Variants in WNT5B observed in about 807,000 individuals in gnomAD.
WNT5B encodes the protein Wnt family member 5B.
Under a neutral mutation model 36.5 loss-of-function variants are expected in WNT5B, and 18 were observed. That is an observed-to-expected ratio of 0.49 (90% CI 0.34 to 0.73). WNT5B has a LOEUF of 0.73. Ranked by LOEUF, WNT5B falls within the 30% of genes least tolerant of loss-of-function variation. The probability of loss-of-function intolerance (pLI) is 0.01; values close to 1 mark genes in which losing one functional copy is unlikely to be tolerated. For missense variants in WNT5B, 424 were observed against 508.4 expected, an observed-to-expected ratio of 0.83 and a Z score of 1.60; for synonymous variants, 213 against 212.3, an observed-to-expected ratio of 1.00 and a Z score of -0.03.
chr12:1,626,781 G>A (rs542699471), upstream of WNT5B, among the ~76,000 whole-genome samples: 1 of 151,100 alleles, frequency 6.6e-6, no homozygotes, highest in East Asian at 2.0e-4. Flanking sequence ...TAGCCAGGAT[G>A]GTCTCGATCT....
chr12:1,639,231 G>T (rs1191601505), intron 3 of WNT5B, among the ~76,000 whole-genome samples: 2 of 150,452 alleles, frequency 1.3e-5, no homozygotes, highest in Non-Finnish European at 3.0e-5. Flanking sequence ...TCCGCCTCCC[G>T]GGTTCACGCC....
intron 1 of WNT5B, among the ~76,000 whole-genome samples, chr12:1,619,231 A>G (rs1156938839): frequency 6.6e-6 from 1 of 151,454 alleles, no homozygotes; most frequent in African/African-American, 2.4e-5. Context: ...GGACTGCTGC[A>G]ATCATGGTGG....
At chr12:1,624,734 C>T (rs1376785949), upstream of WNT5B, among the ~76,000 whole-genome samples, 1 of 152,006 alleles carries the variant, frequency 6.6e-6, no homozygotes, top group Non-Finnish European at 1.5e-5. Context: ...CAAAGGGGCT[C>T]GCAGAGAAAG....
intron 3 of WNT5B, among the ~76,000 whole-genome samples, chr12:1,636,368 A>C (rs914169168): frequency 6.6e-6 from 1 of 151,198 alleles, no homozygotes; most frequent in Non-Finnish European, 1.5e-5. Flanking sequence ...GGCGACCACT[A>C]TTCTTTCTGT....
At chr12:1,639,383 C>G (rs1404001157) in intron 3 of WNT5B, among the ~76,000 whole-genome samples, 2 of 152,180 alleles carry the variant, frequency 1.3e-5, no homozygotes, top group Non-Finnish European at 2.9e-5. Context: ...CGTGGTCCGC[C>G]CGCCCCGGCC....
Position 1,639,766 on chromosome 12 carries a change from G to A in WNT5B, c.411G>A (p.Glu137=), listed in dbSNP as rs2154439769. ...TCAGCCGGGCCTGCCGCGAGGGCGA[G>A]CTCTCCACCTGCGGCTGCAGCCGGA... is the stretch of plus-strand genomic sequence containing the variant. ...NAISRACREG[E]LSTCGCSRTA... Residue 137 remains glutamate (E), a synonymous_variant, in exon 4 of 5, where the codon GAG becomes GAA. Transcript: ENST00000397196. The A allele has an allele frequency of 6.2e-7, 1 of 1,608,874 alleles. No homozygotes were observed. Among genetic ancestry groups the A allele is most frequent in the African/African-American group, 1.3e-5 (1 of 74,864 alleles).
At chr12:1,639,431 C>T (rs1423905295) in intron 3 of WNT5B, among the ~76,000 whole-genome samples, 1 of 151,992 alleles carries the variant, frequency 6.6e-6, no homozygotes, top group Non-Finnish European at 1.5e-5. Context: ...GCCACCGCGC[C>T]GGGCCAGGGA....
At chr12:1,631,487 G>A in intron 2 of WNT5B, 53 bp downstream of exon 2, 1 of 1,612,342 alleles carries the variant, frequency 6.2e-7, no homozygotes, top group South Asian at 1.1e-5. Context: ...CTCCTTCAGC[G>A]ACTGAGATGA....
At position 1,632,786 on chromosome 12, in the gene WNT5B, C is replaced by T. The variant is rs2094553390; in HGVS notation, c.209C>T (p.Ala70Val). The T allele has an allele frequency of 6.2e-7, 1 of 1,614,050 alleles. No individual in the cohort carries two copies. Among genetic ancestry groups the T allele is most frequent in the Non-Finnish European group, 8.5e-7 (1 of 1,180,020 alleles). The change falls in exon 3 of 5, where the codon GCC (alanine) becomes GTC (valine). Residue 70 changes from alanine (A) to valine (V), a missense_variant. Physicochemically the swap from Ala to Val is moderately conservative, Grantham distance 64 (BLOSUM62 0). Transcript: ENST00000397196. The surrounding 1 kb of genome is among the most constrained non-coding windows in gnomAD (Gnocchi z 5.8). ...KLCQLYQEHM[A>V]YIGEGAKTGI... ...TGCCAATTGTACCAGGAGCACATGG[C>T]CTACATAGGGGAGGGAGCCAAGACT...
upstream of WNT5B, among the ~76,000 whole-genome samples, chr12:1,628,073 G>A (rs1167307583): frequency 7.2e-5 from 11 of 152,088 alleles, no homozygotes; most frequent in Admixed American, 3.3e-4. Context: ...TCTGGCTTCT[G>A]GAAGGATCCT....
chr12:1,621,515 A>G (rs2094533767), intron 1 of WNT5B, among the ~76,000 whole-genome samples: 1 of 152,158 alleles, frequency 6.6e-6, no homozygotes, highest in Non-Finnish European at 1.5e-5. Context: ...TTGATGCTGA[A>G]TTATCAATGG....
Position 1,633,042 on chromosome 12 carries a change from T to C in WNT5B, c.328+137T>C. The C allele has an allele frequency of 3.1e-6, 4 of 1,310,314 alleles. No homozygotes were observed. Among genetic ancestry groups the C allele is most frequent in the Non-Finnish European group, 4.1e-6 (4 of 976,632 alleles). The allele number at this position is 1,310,314 out of a possible 1,614,324, so 81.2% of individuals were successfully genotyped here. On this transcript the variant is annotated intron_variant, in intron 3 of 4. Coordinates refer to ENST00000397196, the MANE Select transcript of WNT5B (RefSeq NM_032642.3). This position sits in a 1 kb window ranked among gnomAD's most constrained non-coding sequence, Gnocchi z 4.8. ...GCTCTCTCTAGGCTTGGCAGCAGTG[T>C]GCACCACGAGAGAGGCACACGAGGA...
chr12:1,630,129 T>C lies in WNT5B; in HGVS notation c.-58+758T>C, dbSNP rs1255207575. 2 of 985,386 alleles carry C rather than the reference T, an allele frequency of 2.0e-6. No homozygotes were observed. Among genetic ancestry groups the C allele is most frequent in the Non-Finnish European group, 2.4e-6 (2 of 830,062 alleles). The allele number at this position is 985,386 out of a possible 1,614,324, so 61.0% of individuals were successfully genotyped here. A position where few individuals can be genotyped will look rare whatever the true frequency, so the allele number is the denominator to read the frequency against. ...AGGACAAAAATACTTCCCGGGCTGA[T>C]GACCCGAAGCACCCGCCGCCCCCTC... On this transcript the variant is annotated intron_variant, in intron 1 of 4. Transcript: ENST00000397196. This position sits in a 1 kb window ranked among gnomAD's most constrained non-coding sequence, Gnocchi z 5.3.
At chr12:1,642,651 C>T (rs913975267) in intron 4 of WNT5B, among the ~76,000 whole-genome samples, 1 of 152,170 alleles carries the variant, frequency 6.6e-6, no homozygotes, top group African/African-American at 2.4e-5. Flanking sequence ...TGCCTGTGAT[C>T]AGGCAGGTGA....
At chr12:1,640,101 C>A in intron 4 of WNT5B, 125 bp downstream of exon 4, 1 of 1,166,728 alleles carries the variant, frequency 8.6e-7, no homozygotes, top group Non-Finnish European at 1.2e-6. Flanking sequence ...TTCTTACCTA[C>A]GATTGCAAAT....
chr12:1,617,284 C>A (rs952656512), intron 1 of WNT5B: 1 of 145,726 alleles, frequency 6.9e-6, no homozygotes, highest in African/African-American at 2.6e-5. Context: ...GCATTTAGTA[C>A]AATGATTATC....
intron 4 of WNT5B, among the ~76,000 whole-genome samples, chr12:1,641,385 CA>C (rs1371392049): frequency 0.028 from 2,868 of 100,862 alleles, 28 homozygotes; most frequent in Middle Eastern, 0.056. Context: ...GACTCCATCT[CA>C]AAAAAAAAAA....
At chr12:1,625,691 T>C (rs1243587366), upstream of WNT5B, among the ~76,000 whole-genome samples, 2 of 152,212 alleles carry the variant, frequency 1.3e-5, no homozygotes, top group African/African-American at 2.4e-5. Context: ...TGAGACGGAG[T>C]CTCACTTTGT....
Position 1,646,840 on chromosome 12 carries a change from G to A in WNT5B, c.*588G>A, listed in dbSNP as rs148763658. ...AGTCCAAGGTCATCTCTGGCCCAGTGACCACAGAGAGATCTGCACCTCCCG... is the reference window on the plus strand; with the variant it reads ...AGTCCAAGGTCATCTCTGGCCCAGTAACCACAGAGAGATCTGCACCTCCCG... On this transcript the variant is annotated 3_prime_UTR_variant, in exon 5 of 5. Coordinates refer to ENST00000397196, the MANE Select transcript of WNT5B (RefSeq NM_032642.3). The A allele has an allele frequency of 2.0e-5, 3 of 152,238 alleles. No homozygotes were observed. Among genetic ancestry groups the A allele is most frequent in the Non-Finnish European group, 4.4e-5 (3 of 68,036 alleles). The allele number at this position is 152,238 out of a possible 1,614,324, so 9.4% of individuals were successfully genotyped here.
Sources: allele counts gnomAD v4.1 joint callset (sites outside exome capture counted in the v4.1 genomes callset), GRCh38; gene constraint gnomAD v4.1.1; non-coding constraint Gnocchi (gnomAD v3.1); transcripts MANE v1.5; gene names NCBI Gene and HGNC (gene_info 2026-07-23, HGNC 2026-07-21).